Variants in C6 observed in about 807,000 individuals in gnomAD.
C6 encodes the protein complement C6.
C6 carries 101 observed loss-of-function variants against 112.9 expected under a neutral mutation model. The ratio of observed to expected loss-of-function variants is 0.89; its 90% CI spans 0.76 to 1.06. The LOEUF is 1.06. C6 is among the 50% of genes least tolerant of loss of function. The pLI is 0.00. For missense variants in C6, 1,202 were observed against 1,104.6 expected (o/e 1.09, Z -1.25); for synonymous variants, 431 against 384.1 (o/e 1.12, Z -1.43).
intron 1 of C6, among the ~76,000 whole-genome samples, chr5:41,239,284 G>T (rs111649834): frequency 0.025 from 3,853 of 151,612 alleles, 160 homozygotes; most frequent in African/African-American, 0.088. Flanking sequence ...GCTAATTTTT[G>T]TAGTTTTAGT....
intron 1 of C6, among the ~76,000 whole-genome samples, chr5:41,210,582 G>C (rs374305364): frequency 4.5e-4 from 69 of 152,204 alleles, no homozygotes; most frequent in African/African-American, 1.5e-3. Context: ...CTTGACATTT[G>C]AGAAATGTCT....
At chr5:41,209,443 A>G (rs1751713154) in intron 1 of C6, among the ~76,000 whole-genome samples, 1 of 152,230 alleles carries the variant, frequency 6.6e-6, no homozygotes, top group Non-Finnish European at 1.5e-5. Context: ...CCCTGTTTGC[A>G]GATGACATGA....
Position 41,176,721 on chromosome 5 carries a change from T to G in C6, c.928-6A>C, listed in dbSNP as rs202072448. The G allele has an allele frequency of 4.4e-6, 7 of 1,608,064 alleles. No homozygotes were observed. In the East Asian group the frequency reaches 1.6e-4, roughly 36 times the overall value. On this transcript the variant is annotated splice_region_variant and splice_polypyrimidine_tract_variant and intron_variant, in intron 7 of 17. Transcript: ENST00000337836. The stretch of plus-strand genomic sequence containing the variant: ...ATCCTAATAAAACTAGAATCCTAAA[T>G]GGAAGAAAGAAGTAAAAAGATGATT...
chr5:41,196,853 C>T (rs897285020), intron 4 of C6, among the ~76,000 whole-genome samples: 19 of 152,090 alleles, frequency 1.2e-4, no homozygotes, highest in African/African-American at 4.6e-4. Context: ...TCATAAGGAT[C>T]CTTGGAATCA....
chr5:41,218,393 GA>G (rs887807184), upstream of C6, among the ~76,000 whole-genome samples: 31 of 150,532 alleles, frequency 2.1e-4, no homozygotes, highest in African/African-American at 4.9e-4. Context: ...AAACAAAACA[GA>G]AAAAAAAATC....
chr5:41,238,495 A>C (rs1740473836), intron 1 of C6, among the ~76,000 whole-genome samples: 1 of 152,236 alleles, frequency 6.6e-6, no homozygotes, highest in Non-Finnish European at 1.5e-5. Context: ...GAAGAGGAGA[A>C]TATGGGGCAA....
chr5:41,224,738 T>C (rs1415419993), intron 1 of C6, among the ~76,000 whole-genome samples: 4 of 152,194 alleles, frequency 2.6e-5, no homozygotes, highest in Non-Finnish European at 5.9e-5. Flanking sequence ...TGTGAATATA[T>C]GTTTTCAATT....
intron 3 of C6, among the ~76,000 whole-genome samples, 162 bp downstream of exon 3, chr5:41,201,396 C>G (rs1751019641): frequency 6.6e-6 from 1 of 152,116 alleles, no homozygotes; most frequent in African/African-American, 2.4e-5. Context: ...ACCCCCTCTT[C>G]CCCCCACAAA....
intron 1 of C6, among the ~76,000 whole-genome samples, chr5:41,207,407 GC>G (rs1421411242): frequency 5.9e-5 from 9 of 152,156 alleles, no homozygotes; most frequent in Non-Finnish European, 1.3e-4. Flanking sequence ...TGGGCTAAAT[GC>G]CCCAATTAAA....
intron 1 of C6, among the ~76,000 whole-genome samples, chr5:41,211,121 G>GCAAACTATCACAAGGACAGAAAAC (rs1751882969): frequency 6.6e-6 from 1 of 152,098 alleles, no homozygotes; most frequent in Admixed American, 6.5e-5. Flanking sequence ...ATCATTTTGA[G>GCAAACTATCACAAGGACAGAAAAC]CAAACTATCA....
chr5:41,190,475 G>A (rs1157983542), intron 5 of C6, among the ~76,000 whole-genome samples: 1 of 152,102 alleles, frequency 6.6e-6, no homozygotes, highest in East Asian at 1.9e-4. Context: ...TTTGAGGTGA[G>A]TTGAGTTCCT....
At chr5:41,148,497 C>A (rs1444489882) in intron 17 of C6, among the ~76,000 whole-genome samples, 6 of 152,136 alleles carry the variant, frequency 3.9e-5, no homozygotes, top group Admixed American at 3.3e-4. Context: ...AGAGTGTCAG[C>A]ATCATACTGG....
rs149503565 is a variant in C6 at position 41,211,294 on chromosome 5, G to A, written c.-21+2082C>T. Reference sequence around the variant, plus strand: ...GGACATATACCTAATGCTAAATGACGAGTTAATGGGTGCAGTACACCAACA... The same window carrying A: ...GGACATATACCTAATGCTAAATGACAAGTTAATGGGTGCAGTACACCAACA... On this transcript the variant is annotated intron_variant, in intron 1 of 17. Coordinates refer to ENST00000337836, the MANE Select transcript of C6 (RefSeq NM_000065.5). 1.5e-4 allele frequency among the ~76,000 whole-genome samples: 21 copies of A among 143,826 alleles called. 1 individual carries two copies. Among genetic ancestry groups the A allele is most frequent in the African/African-American group, 5.0e-4 (20 of 40,096 alleles). The allele number at this position is 143,826 out of a possible 152,430, so 94.4% of individuals were successfully genotyped here.
chr5:41,197,824 T>G (rs780766759), intron 4 of C6, among the ~76,000 whole-genome samples: 7 of 152,090 alleles, frequency 4.6e-5, no homozygotes, highest in Non-Finnish European at 1.0e-4. Flanking sequence ...GGAGAGATAT[T>G]GTAAGCCATA....
At chr5:41,146,951 T>G (rs1273589466) in intron 17 of C6, among the ~76,000 whole-genome samples, 2 of 150,930 alleles carry the variant, frequency 1.3e-5, no homozygotes. Flanking sequence ...AATAGAAGAG[T>G]TCTCTGAAGA....
At chr5:41,177,786 T>C (rs1309639815) in intron 7 of C6, among the ~76,000 whole-genome samples, 2 of 152,206 alleles carry the variant, frequency 1.3e-5, no homozygotes, top group Non-Finnish European at 2.9e-5. Context: ...ATTGCCTACC[T>C]ATCTGAGATG....
At chr5:41,155,643 T>A (rs1746826179) in intron 13 of C6, among the ~76,000 whole-genome samples, 1 of 152,064 alleles carries the variant, frequency 6.6e-6, no homozygotes, top group African/African-American at 2.4e-5. Flanking sequence ...GTGGGAGGAT[T>A]GCTTGAGCCC....
chr5:41,248,829 AAAG>A (rs1238277184), intron 1 of C6, among the ~76,000 whole-genome samples: 1 of 152,218 alleles, frequency 6.6e-6, no homozygotes, highest in Admixed American at 6.5e-5. Context: ...GTATATAGCC[AAAG>A]AAGATAAATC....
chr5:41,167,044 A>AT (rs999773133), intron 9 of C6, among the ~76,000 whole-genome samples: 7 of 152,024 alleles, frequency 4.6e-5, no homozygotes, highest in Non-Finnish European at 5.9e-5. Context: ...TTTAATATTA[A>AT]TTTTTTTATG....
Sources: gnomAD v4.1 joint callset for allele counts (sites outside exome capture counted in the v4.1 genomes callset) on GRCh38, gnomAD v4.1.1 for gene constraint, MANE v1.5 for transcripts, NCBI Gene and HGNC (gene_info 2026-07-23, HGNC 2026-07-21) for gene names.